Variants in HS3ST4 observed in about 807,000 individuals in gnomAD.
HS3ST4 encodes heparan sulfate glucosamine 3-O-sulfotransferase 4.
In HS3ST4, 17 loss-of-function variants were observed where a neutral mutation model predicts 29.2. That is an observed-to-expected ratio of 0.58 (90% CI 0.40 to 0.87). The LOEUF (loss-of-function observed/expected upper bound fraction) is 0.87. Ranked by LOEUF, HS3ST4 falls within the 40% of genes least tolerant of loss-of-function variation. The probability of loss-of-function intolerance (pLI) is 0.00; values close to 1 mark genes in which losing one functional copy is unlikely to be tolerated. For synonymous variants in HS3ST4, 314 were observed against 285.7 expected (o/e 1.10, Z -1.00); for missense variants, 627 against 634.5 (o/e 0.99, Z 0.13).
At chr16:25,740,618 T>C (rs1966645457) in intron 1 of HS3ST4, among the ~76,000 whole-genome samples, 1 of 152,182 alleles carries the variant, frequency 6.6e-6, no homozygotes, top group African/African-American at 2.4e-5. Flanking sequence ...ATTTAAACCA[T>C]GTAAAATAAA....
chr16:25,982,029 GAGACACAC>G (rs1450482838), intron 1 of HS3ST4, among the ~76,000 whole-genome samples: 1 of 103,416 alleles, frequency 9.7e-6, no homozygotes, highest in Non-Finnish European at 2.8e-5. Flanking sequence ...TTCACATACT[GAGACACAC>G]AGACACACAC....
chr16:26,007,750 G>A (rs1245577024), intron 1 of HS3ST4, among the ~76,000 whole-genome samples: 4 of 152,092 alleles, frequency 2.6e-5, no homozygotes, highest in Admixed American at 1.3e-4. Flanking sequence ...CTGTTTTCCT[G>A]AACTATTTTA....
At chr16:25,905,498 A>G (rs1968170198) in intron 1 of HS3ST4, among the ~76,000 whole-genome samples, 3 of 152,098 alleles carry the variant, frequency 2.0e-5, no homozygotes, top group Non-Finnish European at 4.4e-5. Flanking sequence ...GGGTTACCTG[A>G]GAGCTTGTGA....
intron 1 of HS3ST4, among the ~76,000 whole-genome samples, chr16:26,134,357 C>CTTTTTTTT (rs1167036022): frequency 1.7e-4 from 19 of 109,064 alleles, no homozygotes; most frequent in Non-Finnish European, 3.1e-4. Context: ...CTTTTCTTTT[C>CTTTTTTTT]TTTTCTTTTT....
intron 1 of HS3ST4, among the ~76,000 whole-genome samples, chr16:25,914,591 ATGTGTATGGTG>A (rs886846308): frequency 3.7e-5 from 5 of 135,234 alleles, no homozygotes; most frequent in African/African-American, 1.1e-4. Flanking sequence ...TGTGGGGAGT[ATGTGTATGGTG>A]TGTGTAGGGT....
chr16:26,070,323 T>G (rs2141776902), intron 1 of HS3ST4, among the ~76,000 whole-genome samples: 1 of 152,370 alleles, frequency 6.6e-6, no homozygotes, highest in East Asian at 1.9e-4. Context: ...ATGAGCATTT[T>G]TTCATGTGTC....
chr16:25,822,558 G>C (rs1382925496), intron 1 of HS3ST4, among the ~76,000 whole-genome samples: 2 of 152,186 alleles, frequency 1.3e-5, no homozygotes, highest in African/African-American at 4.8e-5. Flanking sequence ...CCAGAAATGT[G>C]TGCAGATATT....
chr16:25,955,838 G>A (rs1035513797), intron 1 of HS3ST4, among the ~76,000 whole-genome samples: 1 of 148,094 alleles, frequency 6.8e-6, no homozygotes, highest in African/African-American at 2.5e-5. Flanking sequence ...TTTTTAAGTG[G>A]GAGTCTTGCT....
intron 1 of HS3ST4, among the ~76,000 whole-genome samples, chr16:25,885,294 A>G (rs1248806171): frequency 6.6e-6 from 1 of 152,244 alleles, no homozygotes; most frequent in Non-Finnish European, 1.5e-5. Context: ...AGCCATGTGT[A>G]GCCAAAACAG....
At chr16:25,845,841 T>G (rs1967461109) in intron 1 of HS3ST4, among the ~76,000 whole-genome samples, 1 of 152,154 alleles carries the variant, frequency 6.6e-6, no homozygotes, top group Non-Finnish European at 1.5e-5. Context: ...TCTTATAAAT[T>G]TAATGCACAT....
At chr16:26,069,419 A>G (rs1898577458) in intron 1 of HS3ST4, among the ~76,000 whole-genome samples, 2 of 152,196 alleles carry the variant, frequency 1.3e-5, no homozygotes, top group South Asian at 4.1e-4. Flanking sequence ...TTCTGAGATT[A>G]GGCTTTCTTT....
At chr16:26,081,304 A>T (rs985349111) in intron 1 of HS3ST4, among the ~76,000 whole-genome samples, 6 of 150,996 alleles carry the variant, frequency 4.0e-5, no homozygotes, top group African/African-American at 1.5e-4. Context: ...AAAAAAAAAA[A>T]TTCAGATTTA....
intron 1 of HS3ST4, among the ~76,000 whole-genome samples, chr16:26,078,518 G>A (rs1898692174): frequency 2.0e-5 from 3 of 152,170 alleles, no homozygotes; most frequent in Admixed American, 2.0e-4. Flanking sequence ...GTATTTATTA[G>A]CTGGCAGCAG....
intron 1 of HS3ST4, among the ~76,000 whole-genome samples, chr16:25,807,902 G>A (rs1967004147): frequency 1.3e-5 from 2 of 152,142 alleles, no homozygotes; most frequent in South Asian, 2.1e-4. Flanking sequence ...TGGCTAATGC[G>A]GTTGAACATC....
At chr16:26,009,403 T>C (rs926347177) in intron 1 of HS3ST4, among the ~76,000 whole-genome samples, 1 of 152,250 alleles carries the variant, frequency 6.6e-6, no homozygotes, top group African/African-American at 2.4e-5. Flanking sequence ...CTGAAACATG[T>C]TGATGGCTCA....
intron 1 of HS3ST4, among the ~76,000 whole-genome samples, chr16:26,099,176 A>T (rs1031160536): frequency 6.6e-6 from 1 of 152,160 alleles, no homozygotes; most frequent in Non-Finnish European, 1.5e-5. Flanking sequence ...TTTTTTAGAG[A>T]CAGGGTCTTG....
At chr16:25,765,887 C>T (rs1208404458) in intron 1 of HS3ST4, among the ~76,000 whole-genome samples, 1 of 152,106 alleles carries the variant, frequency 6.6e-6, no homozygotes, top group African/African-American at 2.4e-5. Flanking sequence ...TGTGGTTGGA[C>T]CGTGGCTGAC....
intron 1 of HS3ST4, among the ~76,000 whole-genome samples, chr16:25,799,679 A>G (rs867485684): frequency 3.3e-5 from 5 of 152,134 alleles, no homozygotes; most frequent in Admixed American, 6.6e-5. Flanking sequence ...AGACTCTCAC[A>G]TGTTTCCTCA....
intron 1 of HS3ST4, among the ~76,000 whole-genome samples, chr16:25,973,466 T>C (rs571673842): frequency 1.4e-4 from 21 of 152,280 alleles, no homozygotes; most frequent in Admixed American, 1.1e-3. Flanking sequence ...AACCCAACCG[T>C]TTCTCCTTCA....
Sources: allele counts gnomAD v4.1 joint callset (sites outside exome capture counted in the v4.1 genomes callset), GRCh38; gene constraint gnomAD v4.1.1; transcripts MANE v1.5; gene names NCBI Gene and HGNC (gene_info 2026-07-23, HGNC 2026-07-21).